Variants in AOAH observed in about 807,000 individuals in gnomAD.
AOAH encodes the protein acyloxyacyl hydrolase.
AOAH carries 64 observed loss-of-function variants against 92.2 expected under a neutral mutation model. That is an observed-to-expected ratio of 0.69 (90% confidence interval 0.57 to 0.86). The LOEUF (loss-of-function observed/expected upper bound fraction) is 0.86. AOAH is among the 40% of genes least tolerant of loss of function. AOAH has a pLI of 0.00. For synonymous variants in AOAH, 263 were observed against 254.5 expected (o/e 1.03, Z -0.32); for missense variants, 656 against 694.6 (o/e 0.94, Z 0.62).
chr7:36,640,055 G>A (rs527779589), intron 4 of AOAH, among the ~76,000 whole-genome samples: 15 of 152,252 alleles, frequency 9.9e-5, no homozygotes, highest in African/African-American at 2.6e-4. Flanking sequence ...GTGTCCTCCC[G>A]GGAGGTCTAG....
rs1229892120 is a variant in AOAH, at chr7:36,548,689, G to A, written c.1059-3C>T. On this transcript the variant is annotated splice_polypyrimidine_tract_variant and splice_region_variant and intron_variant, in intron 14 of 20. Transcript: ENST00000617537. The stretch of plus-strand genomic sequence containing the variant: ...CCAACACCTTGTTTCTAGACAAGCT[G>A]AGAAGGCATAGATGGAATCTGAATG... The A allele has an allele frequency of 6.2e-7, 1 of 1,612,484 alleles. No individual in the cohort carries two copies. The highest frequency in any genetic ancestry group is 8.5e-7 in the Non-Finnish European group (1 of 1,178,664).
chr7:36,602,596 GA>G (rs555080341), intron 11 of AOAH, among the ~76,000 whole-genome samples: 3,047 of 143,346 alleles, frequency 0.021, 42 homozygotes, highest in Middle Eastern at 0.056. Context: ...TCCACAAACA[GA>G]AAAAAAAAAA....
intron 1 of AOAH, among the ~76,000 whole-genome samples, chr7:36,695,399 T>C (rs1237665577): frequency 1.3e-5 from 2 of 152,210 alleles, no homozygotes; most frequent in Non-Finnish European, 2.9e-5. Context: ...ACATGAAATA[T>C]GAAAATTTCT....
intron 16 of AOAH, among the ~76,000 whole-genome samples, chr7:36,533,731 C>A (rs1382408099): frequency 5.3e-5 from 8 of 151,482 alleles, no homozygotes; most frequent in African/African-American, 1.5e-4. Context: ...TCATTTGCTC[C>A]CTTTCTGAAT....
chr7:36,652,984 T>C (rs1446029591), intron 4 of AOAH, among the ~76,000 whole-genome samples: 1 of 152,258 alleles, frequency 6.6e-6, no homozygotes, highest in Non-Finnish European at 1.5e-5. Context: ...GTAGTAATAC[T>C]GACTTCTTTA....
intron 6 of AOAH, among the ~76,000 whole-genome samples, chr7:36,629,437 T>A (rs187820512): frequency 3.2e-4 from 48 of 152,056 alleles, no homozygotes; most frequent in African/African-American, 1.1e-3. Flanking sequence ...CTCGATTTAA[T>A]GGGAGCTAGG....
intron 16 of AOAH, among the ~76,000 whole-genome samples, chr7:36,536,826 G>A (rs898097566): frequency 6.6e-6 from 1 of 151,822 alleles, no homozygotes; most frequent in Non-Finnish European, 1.5e-5. Flanking sequence ...GCAGGCGCCT[G>A]TAATCCCAGC....
intron 7 of AOAH, among the ~76,000 whole-genome samples, chr7:36,622,862 A>G (rs1056824272): frequency 2.0e-5 from 3 of 152,164 alleles, no homozygotes; most frequent in African/African-American, 7.2e-5. Flanking sequence ...CCTGGCCAAC[A>G]TGGTGAAATT....
chr7:36,535,981 A>T (rs1389807720), intron 16 of AOAH, among the ~76,000 whole-genome samples: 1 of 152,198 alleles, frequency 6.6e-6, no homozygotes, highest in Non-Finnish European at 1.5e-5. Context: ...AGCTACTAGT[A>T]GAGGCTGTGG....
rs189387496 is a variant in AOAH, at chr7:36,646,293, C to A, written c.391-8383G>T. ...ATTTTTCTAGGCTTCACAACTAATA[C>A]CATTGTTCCATTTTGACTGTTTCTT... On this transcript the variant is annotated intron_variant, in intron 4 of 20. Coordinates refer to ENST00000617537, the MANE Select transcript of AOAH (RefSeq NM_001637.4). Among the ~76,000 whole-genome samples, 17 of 152,300 alleles carry A rather than the reference C, an allele frequency of 1.1e-4. No homozygotes were observed. In the East Asian group the frequency reaches 1.2e-3, roughly 10 times the overall value.
rs527846824 is a variant in AOAH, at chr7:36,682,372, CCT to C, written c.223+4325_223+4326del. 4.2e-3 allele frequency among the ~76,000 whole-genome samples: 637 copies of C among 152,262 alleles called. 19 individuals are homozygous for C. The highest frequency in any genetic ancestry group is 0.036 in the Admixed American group (545 of 15,298). On this transcript the variant is annotated intron_variant, in intron 2 of 20. Transcript: ENST00000617537. ...CATTTAGAAAAACTACCCCGAACCG[CCT>C]CTCTTTCTAAGAGTTTTTGAAAACT...
chr7:36,600,269 G>A (rs1790454793), intron 11 of AOAH: 1 of 152,238 alleles, frequency 6.6e-6, no homozygotes, highest in African/African-American at 2.4e-5. Context: ...CCATGTATCA[G>A]ATTGGATATT....
intron 20 of AOAH, among the ~76,000 whole-genome samples, chr7:36,520,390 A>G (rs1784048140): frequency 6.6e-6 from 1 of 152,192 alleles, no homozygotes; most frequent in Non-Finnish European, 1.5e-5. Flanking sequence ...GAGAATGATA[A>G]GAACTAGTAC....
chr7:36,530,271 C>A, intron 19 of AOAH, 147 bp downstream of exon 19: 1 of 588,028 alleles, frequency 1.7e-6, no homozygotes, highest in Non-Finnish European at 3.0e-6. Context: ...TTTTTCAATA[C>A]TGAGAGCTAT....
chr7:36,630,385 G>A (rs983261742), intron 6 of AOAH, among the ~76,000 whole-genome samples: 11 of 152,202 alleles, frequency 7.2e-5, no homozygotes, highest in African/African-American at 2.2e-4. Flanking sequence ...TGCGGGAGAG[G>A]AAGAGTAAAA....
intron 13 of AOAH, among the ~76,000 whole-genome samples, chr7:36,554,490 C>G (rs1391145692): frequency 2.0e-5 from 3 of 152,102 alleles, no homozygotes; most frequent in Non-Finnish European, 4.4e-5. Context: ...TCCATATGAA[C>G]TTTAAAGTAG....
intron 13 of AOAH, among the ~76,000 whole-genome samples, chr7:36,562,865 C>G (rs548950055): frequency 6.6e-6 from 1 of 151,972 alleles, no homozygotes; most frequent in Non-Finnish European, 1.5e-5. Flanking sequence ...AGAAAAAAGG[C>G]AGGCCAGACG....
rs565814372 is a variant in AOAH at position 36,662,387 on chromosome 7, A to G, written c.291-3122T>C. ...CCTTCAAGGGAAGTCAGGGGGTAAG[A>G]CTGCAACTAAAAGTATCAAAGACGC... On this transcript the variant is annotated intron_variant, in intron 3 of 20. Coordinates refer to ENST00000617537, the MANE Select transcript of AOAH (RefSeq NM_001637.4). 5.9e-5 allele frequency among the ~76,000 whole-genome samples: 9 copies of G among 152,332 alleles called. No homozygotes were observed. In the East Asian group the frequency reaches 1.7e-3, roughly 29 times the overall value.
chr7:36,708,533 A>G (rs1188330508), intron 1 of AOAH, among the ~76,000 whole-genome samples: 1 of 152,176 alleles, frequency 6.6e-6, no homozygotes, highest in African/African-American at 2.4e-5. Context: ...TGAAGTCTTT[A>G]ATTCACTCAG....
Sources: gnomAD v4.1 joint callset for allele counts (sites outside exome capture counted in the v4.1 genomes callset) on GRCh38, gnomAD v4.1.1 for gene constraint, MANE v1.5 for transcripts, NCBI Gene and HGNC (gene_info 2026-07-23, HGNC 2026-07-21) for gene names.